SLC4A8: variants seen among roughly 807,000 people sequenced by gnomAD.
SLC4A8 encodes electroneutral sodium bicarbonate exchanger 1.
In SLC4A8, 40 loss-of-function variants were observed where a neutral mutation model predicts 125.0. The observed-to-expected ratio is 0.32, with a 90% CI of 0.25 to 0.42. The LOEUF (loss-of-function observed/expected upper bound fraction) is 0.42, where lower values mean the gene tolerates loss of function less well. Ranked by LOEUF, SLC4A8 falls within the 10% of genes least tolerant of loss-of-function variation. The probability of loss-of-function intolerance (pLI) is 1.00; values close to 1 mark genes in which losing one functional copy is unlikely to be tolerated. For missense variants in SLC4A8, 863 were observed against 1,355.1 expected (o/e 0.64, Z 5.70); for synonymous variants, 456 against 476.0 (o/e 0.96, Z 0.55).
rs956650252 is a variant in SLC4A8, at chr12:51,391,664, G to T, written c.-112+176G>T. 3.9e-4 allele frequency: 60 copies of T among 152,190 alleles called. 1 individual carries two copies. Among genetic ancestry groups the T allele is most frequent in the Non-Finnish European group, 1.5e-5 (1 of 68,048 alleles). 9.4% of individuals were successfully genotyped at this position (152,190 alleles called of 1,614,324 possible). On this transcript the variant is annotated intron_variant, in intron 1 of 24. Transcript: ENST00000358657. ...TGGCTCCCGGGTTTCCCCACCGGAC[G>T]GCCGGGAGGGTGGGACCGGGGCGGG...
At chr12:51,497,312 G>C in intron 22 of SLC4A8, 188 bp downstream of exon 22, 1 of 633,138 alleles carries the variant, frequency 1.6e-6, no homozygotes, top group Non-Finnish European at 2.6e-6. Flanking sequence ...TTAATTTTTG[G>C]GTTTGACAAC....
chr12:51,447,150 A>C (rs1949800606), intron 2 of SLC4A8, among the ~76,000 whole-genome samples: 1 of 151,918 alleles, frequency 6.6e-6, no homozygotes, highest in Non-Finnish European at 1.5e-5. Context: ...ATCATAGCTC[A>C]TAAGCTCATG....
chr12:51,427,203 G>C (rs760797326), intron 1 of SLC4A8, among the ~76,000 whole-genome samples: 3 of 152,098 alleles, frequency 2.0e-5, no homozygotes, highest in African/African-American at 7.2e-5. Context: ...CTCCCAAAGT[G>C]CTGGGATTAC....
chr12:51,417,460 C>T (rs1445781140), intron 1 of SLC4A8, among the ~76,000 whole-genome samples: 8 of 152,230 alleles, frequency 5.3e-5, no homozygotes, highest in Admixed American at 2.0e-4. Context: ...GATTCTCCCA[C>T]GTCAGCCTCC....
At chr12:51,495,470 CTTTTTTTTTT>C (rs3028942) in intron 21 of SLC4A8, among the ~76,000 whole-genome samples, 2 of 76,276 alleles carry the variant, frequency 2.6e-5, no homozygotes, top group Non-Finnish European at 4.8e-5. Context: ...TTTCTTTCTT[CTTTTTTTTTT>C]TTTTTTTTTT....
At chr12:51,395,518 A>T (rs540463952) in intron 1 of SLC4A8, among the ~76,000 whole-genome samples, 1 of 152,280 alleles carries the variant, frequency 6.6e-6, no homozygotes, top group Non-Finnish European at 1.5e-5. Context: ...GAGGCCGTTG[A>T]CACCAGCCCT....
At chr12:51,399,330 CCTT>C (rs565517309) in intron 1 of SLC4A8, among the ~76,000 whole-genome samples, 199 of 152,346 alleles carry the variant, frequency 1.3e-3, no homozygotes, top group African/African-American at 4.4e-3. Context: ...GAGTCTCCCT[CCTT>C]CTCCCATCTG....
intron 1 of SLC4A8, chr12:51,391,519 C>G (rs935771557): frequency 9.8e-5 from 15 of 153,736 alleles, no homozygotes; most frequent in African/African-American, 3.6e-4. Context: ...GAAGCGAGAT[C>G]CGCCGAAGGG....
intron 11 of SLC4A8, chr12:51,469,003 C>A: frequency 6.5e-6 from 1 of 152,812 alleles, no homozygotes; most frequent in Non-Finnish European, 1.5e-5. Context: ...CTCTATGCCA[C>A]CATAGCACCC....
At chr12:51,462,167 T>A in intron 9 of SLC4A8, 143 bp from the exon 10 acceptor site, 1 of 729,046 alleles carries the variant, frequency 1.4e-6, no homozygotes, top group Non-Finnish European at 2.3e-6. Context: ...TGCACTTCTC[T>A]AAGTGCTAAA....
intron 1 of SLC4A8, among the ~76,000 whole-genome samples, chr12:51,438,866 C>T (rs1223529866): frequency 6.6e-6 from 1 of 152,062 alleles, no homozygotes; most frequent in African/African-American, 2.4e-5. Flanking sequence ...ATTTGCATTT[C>T]CCTGATGATT....
chr12:51,406,957 G>T (rs1251783186), intron 1 of SLC4A8, among the ~76,000 whole-genome samples: 1 of 152,228 alleles, frequency 6.6e-6, no homozygotes, highest in African/African-American at 2.4e-5. Context: ...CTTATCCTGG[G>T]GGTATGTCTT....
At chr12:51,468,609 A>T (rs1208221148) in intron 11 of SLC4A8, among the ~76,000 whole-genome samples, 4 of 152,040 alleles carry the variant, frequency 2.6e-5, no homozygotes, top group Admixed American at 1.3e-4. Flanking sequence ...ACTACAAAAA[A>T]ATTAGCCGGG....
At chr12:51,443,544 G>A (rs1339863814) in intron 2 of SLC4A8, among the ~76,000 whole-genome samples, 1 of 152,112 alleles carries the variant, frequency 6.6e-6, no homozygotes, top group Non-Finnish European at 1.5e-5. Flanking sequence ...ACAAGAGGCA[G>A]TTGCTTTAGT....
chr12:51,485,712 G>A (rs1951145489), intron 16 of SLC4A8, 75 bp from the exon 17 acceptor site: 1 of 725,982 alleles, frequency 1.4e-6, no homozygotes, highest in Non-Finnish European at 2.4e-6. Context: ...GGATTTTTAA[G>A]CCTTTTACAA....
At chr12:51,432,437 G>A (rs1453335713) in intron 1 of SLC4A8, among the ~76,000 whole-genome samples, 1 of 140,048 alleles carries the variant, frequency 7.1e-6, no homozygotes, top group African/African-American at 2.7e-5. Flanking sequence ...AAGAAACCCT[G>A]GAAATGGCTG....
intron 14 of SLC4A8, among the ~76,000 whole-genome samples, chr12:51,472,880 A>T (rs556646690): frequency 3.4e-4 from 52 of 152,312 alleles, no homozygotes; most frequent in African/African-American, 1.2e-3. Context: ...ATTGATTTTT[A>T]AAAAATAGAG....
chr12:51,462,238 C>A, intron 9 of SLC4A8, 72 bp from the exon 10 acceptor site: 2 of 1,376,554 alleles, frequency 1.5e-6, no homozygotes, highest in South Asian at 1.2e-5. Context: ...ATTCATTTTT[C>A]ACCATATCCA....
At chr12:51,400,773 T>C (rs1390018586) in intron 1 of SLC4A8, among the ~76,000 whole-genome samples, 8 of 4,482 alleles carry the variant, frequency 1.8e-3, no homozygotes, top group East Asian at 6.6e-3. Flanking sequence ...TATATATATA[T>C]ATATACATAC....
Sources: gnomAD v4.1 joint callset for allele counts (sites outside exome capture counted in the v4.1 genomes callset) on GRCh38, gnomAD v4.1.1 for gene constraint, MANE v1.5 for transcripts, NCBI Gene and HGNC (gene_info 2026-07-23, HGNC 2026-07-21) for gene names.